The following GSK3B variants were observed in gnomAD, a reference collection of about 807,000 sequenced individuals.
The protein encoded by GSK3B is glycogen synthase kinase-3 beta.
A neutral mutation model predicts 56.4 loss-of-function variants in GSK3B; 15 were observed. The observed-to-expected ratio is 0.27, with a 90% CI of 0.18 to 0.41. GSK3B has a LOEUF of 0.41. Among genes scored for constraint, GSK3B ranks in the 10% least tolerant of loss-of-function variants. The pLI is 1.00. For missense variants in GSK3B, 300 were observed against 513.4 expected (o/e 0.58, Z 4.02); for synonymous variants, 181 against 188.9 (o/e 0.96, Z 0.34).
chr3:119,915,592 T>C (rs959584241), intron 5 of GSK3B, among the ~76,000 whole-genome samples: 1 of 152,110 alleles, frequency 6.6e-6, no homozygotes, highest in Non-Finnish European at 1.5e-5. Flanking sequence ...TTTTAAAACA[T>C]AAAAGGTGGC....
At chr3:119,887,769 T>C (rs533176407) in intron 7 of GSK3B, among the ~76,000 whole-genome samples, 4 of 152,046 alleles carry the variant, frequency 2.6e-5, no homozygotes, top group Non-Finnish European at 5.9e-5. Flanking sequence ...CAATGAACCT[T>C]AATGAGGACA....
At chr3:120,065,005 A>G (rs2058267630) in intron 1 of GSK3B, among the ~76,000 whole-genome samples, 1 of 152,210 alleles carries the variant, frequency 6.6e-6, no homozygotes, top group African/African-American at 2.4e-5. Context: ...AATATATGAA[A>G]TAAGACTACA....
intron 1 of GSK3B, among the ~76,000 whole-genome samples, chr3:120,007,487 T>A (rs1350060602): frequency 9.2e-5 from 14 of 152,022 alleles, no homozygotes; most frequent in Admixed American, 3.3e-4. Flanking sequence ...TAGACCAATA[T>A]CCCTGATGAA....
intron 1 of GSK3B, among the ~76,000 whole-genome samples, chr3:120,066,021 T>C (rs915051497): frequency 2.0e-5 from 3 of 152,152 alleles, no homozygotes; most frequent in South Asian, 2.1e-4. Context: ...CTGGAACTAA[T>C]TGGTAATAGA....
At chr3:120,067,870 C>T (rs334562) in intron 1 of GSK3B, among the ~76,000 whole-genome samples, 150,381 of 152,314 alleles carry the variant, frequency 0.99, 74,235 homozygotes, top group East Asian at 1. Context: ...CCAAATGCTA[C>T]GGACCTTGTT....
At chr3:119,907,238 C>T (rs546076968) in intron 6 of GSK3B, among the ~76,000 whole-genome samples, 2 of 151,914 alleles carry the variant, frequency 1.3e-5, no homozygotes, top group Admixed American at 6.6e-5. Flanking sequence ...CTCTCTAATA[C>T]GGAATGATTC....
At chr3:119,971,862 C>T (rs1035237361) in intron 2 of GSK3B, among the ~76,000 whole-genome samples, 6 of 151,794 alleles carry the variant, frequency 4.0e-5, no homozygotes, top group African/African-American at 1.2e-4. Context: ...CCGCCCGCCT[C>T]GGCCTCCCAA....
chr3:119,997,095 T>C (rs1282559003), intron 2 of GSK3B, among the ~76,000 whole-genome samples: 2 of 152,172 alleles, frequency 1.3e-5, no homozygotes, highest in Non-Finnish European at 2.9e-5. Flanking sequence ...AAAAACACTC[T>C]AGTTCACCAG....
At chr3:119,945,198 T>A (rs922485211) in intron 3 of GSK3B, among the ~76,000 whole-genome samples, 1 of 152,206 alleles carries the variant, frequency 6.6e-6, no homozygotes, top group African/African-American at 2.4e-5. Context: ...ATTTCCTTTA[T>A]TGACAAAGAA....
chr3:119,924,102 G>C (rs1166616252), intron 3 of GSK3B, among the ~76,000 whole-genome samples: 1 of 152,100 alleles, frequency 6.6e-6, no homozygotes, highest in Admixed American at 6.6e-5. Context: ...TAACCTATAA[G>C]GCAACGTGTT....
chr3:120,089,200 ATCACTGGGT>A (rs2107585932), intron 1 of GSK3B, among the ~76,000 whole-genome samples: 1 of 152,328 alleles, frequency 6.6e-6, no homozygotes, highest in Non-Finnish European at 1.5e-5. Context: ...TGATTTGTGA[ATCACTGGGT>A]TCCCTTGAAG....
intron 1 of GSK3B, among the ~76,000 whole-genome samples, chr3:120,083,806 G>A (rs1238706269): frequency 1.3e-5 from 2 of 152,202 alleles, no homozygotes; most frequent in South Asian, 2.1e-4. Context: ...ACAATGAAAT[G>A]TTATTCAGCA....
intron 10 of GSK3B, among the ~76,000 whole-genome samples, chr3:119,842,087 G>A (rs919494531): frequency 1.3e-5 from 2 of 151,574 alleles, no homozygotes; most frequent in Admixed American, 6.6e-5. Context: ...GAGAGAGAGA[G>A]AAAAAAAAGG....
rs117035838 is a variant in GSK3B at position 119,931,187 on chromosome 3, T to C, written c.367-7704A>G. ...TAAGAAGGCTAAAGATGCTAATATT[T>C]TGAGAAGACCAGGATTCAGCATTTC... is the stretch of plus-strand genomic sequence containing the variant. On this transcript the variant is annotated intron_variant, in intron 3 of 10. Transcript: ENST00000264235. 8.5e-5 allele frequency among the ~76,000 whole-genome samples: 13 copies of C among 152,348 alleles called. No homozygotes were observed. The East Asian group carries it at 2.5e-3, about 29-fold the overall frequency.
At chr3:120,021,919 G>C (rs1185713539) in intron 1 of GSK3B, among the ~76,000 whole-genome samples, 1 of 152,198 alleles carries the variant, frequency 6.6e-6, no homozygotes, top group African/African-American at 2.4e-5. Flanking sequence ...ATGCTATAAT[G>C]CCTGGGGTGC....
At chr3:120,041,608 A>C (rs1387433794) in intron 1 of GSK3B, 1 of 153,920 alleles carries the variant, frequency 6.5e-6, no homozygotes, top group African/African-American at 2.4e-5. Flanking sequence ...CAAGAGGATG[A>C]TTTAACCACT....
At position 119,826,847 on chromosome 3, in the gene GSK3B, T is replaced by C. The variant is rs767410640; in HGVS notation, c.1204A>G (p.Thr402Ala). The C allele has an allele frequency of 3.1e-6, 5 of 1,607,360 alleles. No homozygotes were observed. In the African/African-American group the frequency reaches 4.0e-5, roughly 13 times the overall value. The change falls in exon 11 of 11, where the codon ACT (threonine) becomes GCT (alanine). Residue 402 changes from threonine (T) to alanine (A), a missense_variant. Around this residue, in one of 6 missense-constraint regions of GSK3B, gnomAD observed 88 missense variants for 92.7 expected, o/e 0.95. Coordinates refer to ENST00000264235, the MANE Select transcript of GSK3B (RefSeq NM_001146156.2). ...TTATTGGTCTGTCCACGGTCTCCAG[T>C]ATTAGCATCTGCAAGTCAAAAAGTC... ...TNATAASDAN[T>A]GDRGQTNNAA...
At chr3:119,889,231 C>T (rs1322938347) in intron 7 of GSK3B, among the ~76,000 whole-genome samples, 2 of 152,022 alleles carry the variant, frequency 1.3e-5, no homozygotes, top group African/African-American at 4.8e-5. Context: ...TGTGATGTCA[C>T]CCCCGGAGGC....
At chr3:119,980,481 T>G (rs1262440853) in intron 2 of GSK3B, among the ~76,000 whole-genome samples, 1 of 152,112 alleles carries the variant, frequency 6.6e-6, no homozygotes, top group Non-Finnish European at 1.5e-5. Context: ...GCCTCCCAAG[T>G]AGCTGGGATT....
Sources: gnomAD v4.1 joint callset for allele counts (sites outside exome capture counted in the v4.1 genomes callset) on GRCh38, gnomAD v4.1.1 for gene constraint, gnomAD v4.1.1 regional missense constraint, MANE v1.5 for transcripts, NCBI Gene and HGNC (gene_info 2026-07-23, HGNC 2026-07-21) for gene names.